LRRC4C: variants seen among roughly 807,000 people sequenced by gnomAD.
LRRC4C encodes the protein leucine rich repeat containing 4C.
A neutral mutation model predicts 33.6 loss-of-function variants in LRRC4C; 5 were observed. That is an observed-to-expected ratio of 0.15 (90% CI 0.08 to 0.31). The LOEUF (loss-of-function observed/expected upper bound fraction) is 0.31. Ranked by LOEUF, LRRC4C falls within the 10% of genes least tolerant of loss-of-function variation. The pLI is 1.00. For synonymous variants in LRRC4C, 329 were observed against 302.0 expected (o/e 1.09, Z -0.93); for missense variants, 560 against 796.7 (o/e 0.70, Z 3.58).
Position 40,454,173 on chromosome 11 carries a change from T to G in LRRC4C, c.-269-134452A>C, listed in dbSNP as rs1329222449. 3.3e-5 allele frequency among the ~76,000 whole-genome samples: 4 copies of G among 122,896 alleles called. No homozygotes were observed. In the South Asian group the frequency reaches 9.1e-4, roughly 28 times the overall value. The allele number at this position is 122,896 out of a possible 152,430, so 80.6% of individuals were successfully genotyped here. On this transcript the variant is annotated intron_variant, in intron 3 of 6. Transcript: ENST00000528697. ...TTATAAAATGACCACTTGATTAAAG[T>G]TTTTTTTTTTTTTTTTTAACAGTGA... is the stretch of plus-strand genomic sequence containing the variant.
At chr11:41,293,804 C>T (rs1351321340) in intron 1 of LRRC4C, among the ~76,000 whole-genome samples, 2 of 152,032 alleles carry the variant, frequency 1.3e-5, no homozygotes, top group African/African-American at 2.4e-5. Flanking sequence ...ACCACGTATG[C>T]CAGGCTTGTC....
At chr11:40,469,517 T>C (rs143492179) in intron 3 of LRRC4C, among the ~76,000 whole-genome samples, 1 of 152,056 alleles carries the variant, frequency 6.6e-6, no homozygotes, top group East Asian at 1.9e-4. Flanking sequence ...GCATCTGGAA[T>C]ACCAGCGAGA....
At chr11:40,682,279 A>AG (rs1944729330) in intron 2 of LRRC4C, among the ~76,000 whole-genome samples, 1 of 151,712 alleles carries the variant, frequency 6.6e-6, no homozygotes, top group Non-Finnish European at 1.5e-5. Context: ...TGAAAAAAAA[A>AG]AAAAGCATAA....
chr11:41,357,507 A>G (rs1202203188), intron 1 of LRRC4C, among the ~76,000 whole-genome samples: 1 of 152,136 alleles, frequency 6.6e-6, no homozygotes, highest in Non-Finnish European at 1.5e-5. Context: ...GTAGGCTCAC[A>G]GAAGAATTAA....
At chr11:40,900,830 T>C (rs1956165619) in intron 2 of LRRC4C, among the ~76,000 whole-genome samples, 1 of 152,090 alleles carries the variant, frequency 6.6e-6, no homozygotes, top group African/African-American at 2.4e-5. Context: ...TTTACATAAA[T>C]ATCTGTGAGG....
At chr11:40,806,779 A>G (rs1591771355) in intron 2 of LRRC4C, among the ~76,000 whole-genome samples, 1 of 152,192 alleles carries the variant, frequency 6.6e-6, no homozygotes, top group Non-Finnish European at 1.5e-5. Context: ...TACATCTACT[A>G]TTAGAATCTA....
At chr11:40,543,838 A>T (rs979111494) in intron 3 of LRRC4C, among the ~76,000 whole-genome samples, 1 of 151,814 alleles carries the variant, frequency 6.6e-6, no homozygotes, top group African/African-American at 2.4e-5. Flanking sequence ...GAGGACTACC[A>T]TTTTTTTTGT....
chr11:40,464,236 T>C (rs953560075), intron 3 of LRRC4C, among the ~76,000 whole-genome samples: 1 of 151,856 alleles, frequency 6.6e-6, no homozygotes, highest in Non-Finnish European at 1.5e-5. Flanking sequence ...AACCATACAA[T>C]CATTTCAATA....
rs540879138 is a variant in LRRC4C, at chr11:40,910,555, A to T, written c.-407+23080T>A. 5.3e-5 allele frequency among the ~76,000 whole-genome samples: 8 copies of T among 152,302 alleles called. No homozygotes were observed. The East Asian group carries it at 1.5e-3, about 29-fold the overall frequency. On this transcript the variant is annotated intron_variant, in intron 2 of 6. Coordinates refer to ENST00000528697, the MANE Select transcript of LRRC4C (RefSeq NM_001258419.2). Reference sequence around the variant, plus strand: ...TAAGCCATATTCATTAAAAATTCAGAAAGTTTGGTGGTGGGGAGCCAAGAC... The same window carrying T: ...TAAGCCATATTCATTAAAAATTCAGTAAGTTTGGTGGTGGGGAGCCAAGAC...
At chr11:41,146,632 T>G (rs760314043) in intron 1 of LRRC4C, among the ~76,000 whole-genome samples, 5 of 152,198 alleles carry the variant, frequency 3.3e-5, no homozygotes, top group Non-Finnish European at 7.3e-5. Context: ...GTGCTAAGTC[T>G]TGGAATACCC....
chr11:40,664,932 A>G (rs967820568), intron 2 of LRRC4C, among the ~76,000 whole-genome samples: 3 of 59,468 alleles, frequency 5.0e-5, no homozygotes, highest in African/African-American at 1.8e-4. Flanking sequence ...CCCTCCCCCG[A>G]CCCCACAACA....
chr11:41,281,042 T>TTCTCTCTCTCTCTCTCTCTCTC lies in LRRC4C; in HGVS notation c.-496+178367_-496+178388dup, dbSNP rs71063910. ...AGATAATCTCACTTAAATACATATT[T>TTCTCTCTCTCTCTCTCTCTCTC]TCTCTCTCTCTCTCTCTCTCTCTCT... On this transcript the variant is annotated intron_variant, in intron 1 of 6. Coordinates refer to ENST00000528697, the MANE Select transcript of LRRC4C (RefSeq NM_001258419.2). 4.9e-3 allele frequency among the ~76,000 whole-genome samples: 375 copies of TTCTCTCTCTCTCTCTCTCTCTC among 76,100 alleles called. 47 individuals are homozygous for TTCTCTCTCTCTCTCTCTCTCTC. The highest frequency in any genetic ancestry group is 0.015 in the East Asian group (34 of 2,198). The allele number at this position is 76,100 out of a possible 152,430, so 49.9% of individuals were successfully genotyped here.
At chr11:40,620,968 A>G (rs1314683637) in intron 3 of LRRC4C, among the ~76,000 whole-genome samples, 1 of 151,704 alleles carries the variant, frequency 6.6e-6, no homozygotes, top group Non-Finnish European at 1.5e-5. Context: ...CTACAGGCCT[A>G]CAAGCTTGTT....
chr11:41,019,835 G>C (rs566674334), intron 1 of LRRC4C, among the ~76,000 whole-genome samples: 58 of 152,176 alleles, frequency 3.8e-4, no homozygotes, highest in Non-Finnish European at 7.1e-4. Context: ...AGAAGTGTCT[G>C]TTCATATCTT....
chr11:40,978,274 GT>G (rs1852230249), intron 1 of LRRC4C, among the ~76,000 whole-genome samples: 1 of 152,094 alleles, frequency 6.6e-6, no homozygotes, highest in Non-Finnish European at 1.5e-5. Flanking sequence ...TCTTTCATGA[GT>G]TTCCACTGTC....
chr11:41,170,939 T>A (rs1446998647), intron 1 of LRRC4C, among the ~76,000 whole-genome samples: 1 of 151,874 alleles, frequency 6.6e-6, no homozygotes, highest in Admixed American at 6.6e-5. Context: ...AAAAAGTGGG[T>A]GAAGGATATG....
chr11:40,615,238 T>TTATTTATATATATATATA, intron 3 of LRRC4C, among the ~76,000 whole-genome samples: 1 of 88,176 alleles, frequency 1.1e-5, no homozygotes, highest in Non-Finnish European at 2.5e-5. Flanking sequence ...TTGATTTATT[T>TTATTTATATATATATATA]TATATATATA....
At chr11:40,604,745 T>C (rs2135833257) in intron 3 of LRRC4C, among the ~76,000 whole-genome samples, 1 of 151,810 alleles carries the variant, frequency 6.6e-6, no homozygotes, top group South Asian at 2.1e-4. Context: ...GATAGGAGAA[T>C]ATGCTAAAGA....
At chr11:41,197,870 A>G (rs1946246950) in intron 1 of LRRC4C, among the ~76,000 whole-genome samples, 1 of 152,016 alleles carries the variant, frequency 6.6e-6, no homozygotes, top group African/African-American at 2.4e-5. Context: ...GCTCATCACA[A>G]TGCCTGACAT....
Sources: allele counts gnomAD v4.1 joint callset (sites outside exome capture counted in the v4.1 genomes callset), GRCh38; gene constraint gnomAD v4.1.1; transcripts MANE v1.5; gene names NCBI Gene and HGNC (gene_info 2026-07-23, HGNC 2026-07-21).